The following DMXL1 variants were observed in gnomAD, a reference collection of about 807,000 sequenced individuals.
The protein encoded by DMXL1 is dmX-like protein 1.
Under a neutral mutation model 319.2 loss-of-function variants are expected in DMXL1, and 99 were observed. That is an observed-to-expected ratio of 0.31 (90% CI 0.26 to 0.37). The LOEUF (loss-of-function observed/expected upper bound fraction) is 0.37, where lower values mean the gene tolerates loss of function less well. Ranked by LOEUF, DMXL1 falls within the 10% of genes least tolerant of loss-of-function variation. The pLI is 1.00. For missense variants in DMXL1, 3,745 were observed against 3,595.6 expected (o/e 1.04, Z -1.06); for synonymous variants, 1,385 against 1,235.2 (o/e 1.12, Z -2.54).
chr5:119,071,580 A>T lies in DMXL1; in HGVS notation c.11A>T (p.His4Leu). 6.2e-7 allele frequency: 1 copy of T among 1,605,424 alleles called. No homozygotes were observed. The highest frequency in any genetic ancestry group is 8.5e-7 in the Non-Finnish European group (1 of 1,176,356). Residue 4 changes from histidine (H) to leucine (L), a missense_variant, in exon 1 of 44, where the codon CAC becomes CTC. Physicochemically the swap from His to Leu is moderately conservative, Grantham distance 99. Coordinates refer to ENST00000539542, the MANE Select transcript of DMXL1 (RefSeq NM_001290321.3). ...GACTAGGGCGCCGACATGAACCTGCACCAGGTGCTGACCGGGGCTGTGAAC... is the reference window on the plus strand; with the variant it reads ...GACTAGGGCGCCGACATGAACCTGCTCCAGGTGCTGACCGGGGCTGTGAAC... MNL[H>L]QVLTGAVNPG...
intron 9 of DMXL1, among the ~76,000 whole-genome samples, chr5:119,122,905 G>A (rs1053983345): frequency 1.3e-5 from 2 of 151,544 alleles, no homozygotes; most frequent in South Asian, 2.1e-4. Context: ...ATGGGGTGGC[G>A]GCCGGGCAGA....
chr5:119,159,467 C>T (rs1771787810), intron 19 of DMXL1, among the ~76,000 whole-genome samples: 1 of 152,146 alleles, frequency 6.6e-6, no homozygotes, highest in Admixed American at 6.5e-5. Context: ...TTTATTTTTT[C>T]ATATTTCAGT....
intron 1 of DMXL1, among the ~76,000 whole-genome samples, chr5:119,088,977 C>G (rs917896655): frequency 6.6e-6 from 1 of 151,640 alleles, no homozygotes; most frequent in Non-Finnish European, 1.5e-5. Context: ...TTTATATCTT[C>G]CAAAACAATT....
chr5:119,190,003 T>A, intron 29 of DMXL1, 117 bp downstream of exon 29: 1 of 930,756 alleles, frequency 1.1e-6, no homozygotes, highest in East Asian at 2.6e-5. Flanking sequence ...TAGAAAATTT[T>A]CATTAGTATC....
intron 15 of DMXL1, among the ~76,000 whole-genome samples, chr5:119,146,135 A>G (rs1225040722): frequency 2.6e-5 from 4 of 151,860 alleles, no homozygotes; most frequent in African/African-American, 4.8e-5. Context: ...TTGTGCTCTA[A>G]TAATACCTGC....
At chr5:119,240,631 A>C (rs941089699) in intron 42 of DMXL1, among the ~76,000 whole-genome samples, 160 bp downstream of exon 42, 4 of 152,190 alleles carry the variant, frequency 2.6e-5, no homozygotes, top group African/African-American at 9.7e-5. Flanking sequence ...GATGCAATAT[A>C]CGTAATTAAC....
At position 119,150,125 on chromosome 5, in the gene DMXL1, G is replaced by A; in HGVS notation, c.4298G>A (p.Ser1433Asn). 6.2e-7 allele frequency: 1 copy of A among 1,613,784 alleles called. No individual in the cohort carries two copies. The highest frequency in any genetic ancestry group is 1.1e-5 in the South Asian group (1 of 91,078). ...LEKSSNESTL[S>N]KSNQLSKESY... is the part of the protein sequence containing the mutation. ...AAATCTAGTAATGAGAGTACGTTAA[G>A]TAAATCAAACCAATTATCTAAAGAA... The change falls in exon 18 of 44, where the codon AGT becomes AAT. Residue 1433 changes from serine (S) to asparagine (N), a missense_variant. Physicochemically the swap from Ser to Asn is conservative, Grantham distance 46 (BLOSUM62 1). This residue lies in a region of DMXL1 where 2,096 missense variants were observed against 1,985.4 expected (regional missense o/e 1.06). Transcript: ENST00000539542.
intron 4 of DMXL1, among the ~76,000 whole-genome samples, chr5:119,106,627 G>A (rs1179022332): frequency 1.3e-5 from 2 of 152,104 alleles, no homozygotes; most frequent in Non-Finnish European, 2.9e-5. Context: ...TTTCAAAAGA[G>A]GCTAGTCATA....
intron 34 of DMXL1, among the ~76,000 whole-genome samples, chr5:119,215,987 T>C (rs565369501): frequency 1.0e-3 from 154 of 148,294 alleles, no homozygotes; most frequent in Non-Finnish European, 1.9e-3. Context: ...TCCCAGCTAC[T>C]TGGGAGTCTG....
chr5:119,242,816 A>C (rs1253117610), intron 42 of DMXL1, among the ~76,000 whole-genome samples: 1 of 152,204 alleles, frequency 6.6e-6, no homozygotes, highest in African/African-American at 2.4e-5. Context: ...TAGTAGACTT[A>C]TGTTTAATAT....
intron 34 of DMXL1, among the ~76,000 whole-genome samples, chr5:119,215,208 C>G (rs1263166792): frequency 1.3e-5 from 2 of 152,202 alleles, no homozygotes; most frequent in Non-Finnish European, 2.9e-5. Context: ...CTCTTTATAT[C>G]TGGCAACTGA....
At chr5:119,172,212 C>A (rs1319064964) in intron 25 of DMXL1, among the ~76,000 whole-genome samples, 2 of 152,130 alleles carry the variant, frequency 1.3e-5, no homozygotes, top group African/African-American at 2.4e-5. Flanking sequence ...GTTATTTAGT[C>A]TAGCTGCTTT....
chr5:119,177,348 T>A lies in DMXL1; in HGVS notation c.6759-9T>A. The A allele has an allele frequency of 6.7e-7, 1 of 1,486,194 alleles. No homozygotes were observed. Among genetic ancestry groups the A allele is most frequent in the Non-Finnish European group, 9.0e-7 (1 of 1,109,390 alleles). 92.1% of individuals were successfully genotyped at this position (1,486,194 alleles called of 1,614,324 possible). A position where few individuals can be genotyped will look rare whatever the true frequency, so the allele number is the denominator to read the frequency against. ...TATCATAGATTTAAATATTGTTTTT[T>A]TCTCTTAGTTCATTTCAGACGAATC... On this transcript the variant is annotated splice_polypyrimidine_tract_variant and intron_variant, in intron 26 of 43. Transcript: ENST00000539542.
chr5:119,173,708 A>G (rs200146591), intron 25 of DMXL1, among the ~76,000 whole-genome samples: 89 of 123,280 alleles, frequency 7.2e-4, no homozygotes, highest in Middle Eastern at 4.1e-3. Flanking sequence ...GTATATATAT[A>G]TGTGTGTGTG....
At chr5:119,088,324 C>T (rs974421121) in intron 1 of DMXL1, among the ~76,000 whole-genome samples, 1 of 152,086 alleles carries the variant, frequency 6.6e-6, no homozygotes, top group Non-Finnish European at 1.5e-5. Flanking sequence ...CCTTTACTTT[C>T]AGTCTGTGTA....
At chr5:119,231,544 G>C (rs1330076655) in intron 38 of DMXL1, among the ~76,000 whole-genome samples, 1 of 152,188 alleles carries the variant, frequency 6.6e-6, no homozygotes, top group Non-Finnish European at 1.5e-5. Context: ...CTGGTTACTT[G>C]TTGCTCCTGG....
chr5:119,134,974 A>G (rs891661093), intron 13 of DMXL1, among the ~76,000 whole-genome samples: 31 of 152,344 alleles, frequency 2.0e-4, no homozygotes, highest in African/African-American at 7.0e-4. Flanking sequence ...GGCTGTACCA[A>G]GCTTTCTATT....
intron 4 of DMXL1, among the ~76,000 whole-genome samples, chr5:119,107,821 C>G (rs1561596402): frequency 6.6e-6 from 1 of 152,130 alleles, no homozygotes; most frequent in Non-Finnish European, 1.5e-5. Context: ...AACCTTCTGT[C>G]TAGTTGCTCT....
At chr5:119,116,372 G>A (rs757962898) in intron 7 of DMXL1, 36 bp downstream of exon 7, 1 of 1,585,460 alleles carries the variant, frequency 6.3e-7, no homozygotes, top group African/African-American at 1.4e-5. Context: ...ACATATTAAG[G>A]GAGCATCATC....
Sources: gnomAD v4.1 joint callset for allele counts (sites outside exome capture counted in the v4.1 genomes callset) on GRCh38, gnomAD v4.1.1 for gene constraint, gnomAD v4.1.1 regional missense constraint, MANE v1.5 for transcripts, NCBI Gene and HGNC (gene_info 2026-07-23, HGNC 2026-07-21) for gene names.